Variants in WDR76 observed in about 807,000 individuals in gnomAD.
The protein encoded by WDR76 is WD repeat-containing protein 76.
In WDR76, 52 loss-of-function variants were observed where a neutral mutation model predicts 70.2. The observed-to-expected ratio is 0.74, with a 90% CI of 0.59 to 0.93. The LOEUF is 0.93. Among genes scored for constraint, WDR76 ranks in the 40% least tolerant of loss-of-function variants. The probability of loss-of-function intolerance (pLI) is 0.00; values close to 1 mark genes in which losing one functional copy is unlikely to be tolerated. For missense variants in WDR76, 756 were observed against 760.2 expected (o/e 0.99, Z 0.07); for synonymous variants, 292 against 271.1 (o/e 1.08, Z -0.76).
chr15:43,857,751 G>A (rs1314971471), intron 10 of WDR76, among the ~76,000 whole-genome samples: 5 of 150,292 alleles, frequency 3.3e-5, no homozygotes, highest in Non-Finnish European at 7.4e-5. Context: ...CACAGGAGGC[G>A]GAAGTTGCAG....
chr15:43,832,271 T>A (rs2087598582), intron 2 of WDR76, among the ~76,000 whole-genome samples: 1 of 152,086 alleles, frequency 6.6e-6, no homozygotes, highest in Non-Finnish European at 1.5e-5. Flanking sequence ...AAGGCAGGCC[T>A]GTAGTTTCAG....
intron 9 of WDR76, 89 bp downstream of exon 9, chr15:43,851,334 G>C: frequency 6.6e-7 from 1 of 1,522,576 alleles, no homozygotes. Context: ...CCAATTGGGA[G>C]AAGTGGTATA....
Position 43,866,313 on chromosome 15 carries a change from T to C in WDR76, c.1802T>C (p.Met601Thr), listed in dbSNP as rs2140316263. The change falls in exon 13 of 13, where the codon ATG becomes ACG. Residue 601 changes from methionine (M) to threonine (T), a missense_variant. Met to Thr is a moderately conservative substitution (Grantham distance 81, BLOSUM62 -1). Coordinates refer to ENST00000263795, the MANE Select transcript of WDR76 (RefSeq NM_024908.4). ...YLVSVCSINA[M>T]HPTRYILAGG... ...GTCTCTGTGTGTTCCATCAATGCCA[T>C]GCACCCAACTCGGTATATTTTGGCT... is the stretch of plus-strand genomic sequence containing the variant. The C allele has an allele frequency of 1.9e-6, 3 of 1,614,154 alleles. No homozygotes were observed. The highest frequency in any genetic ancestry group is 1.7e-6 in the Non-Finnish European group (2 of 1,180,032).
At chr15:43,847,888 T>G (rs2087808550) in intron 8 of WDR76, among the ~76,000 whole-genome samples, 1 of 152,106 alleles carries the variant, frequency 6.6e-6, no homozygotes, top group Non-Finnish European at 1.5e-5. Context: ...ACTTAGTTGT[T>G]TAATTATCAT....
At chr15:43,857,470 A>T in intron 10 of WDR76, 1 of 985,360 alleles carries the variant, frequency 1.0e-6, no homozygotes, top group Middle Eastern at 5.2e-4. Flanking sequence ...GTTACATGTG[A>T]CCTATAACTT....
intron 12 of WDR76, among the ~76,000 whole-genome samples, chr15:43,861,959 C>T (rs1034343768): frequency 6.6e-6 from 1 of 151,330 alleles, no homozygotes; most frequent in African/African-American, 2.4e-5. Flanking sequence ...GCCTCAGCCT[C>T]CTGAGTAGCT....
intron 12 of WDR76, among the ~76,000 whole-genome samples, chr15:43,863,422 A>G (rs2088029138): frequency 6.6e-6 from 1 of 152,148 alleles, no homozygotes. Flanking sequence ...ATATATTGTT[A>G]TTGACTATAG....
chr15:43,857,792 C>G (rs1214826671), intron 10 of WDR76, among the ~76,000 whole-genome samples: 1 of 135,502 alleles, frequency 7.4e-6, no homozygotes, highest in Non-Finnish European at 1.5e-5. Flanking sequence ...GCATTCCAGC[C>G]TGGATGACAG....
chr15:43,860,130 A>C (rs1290973756), intron 11 of WDR76, among the ~76,000 whole-genome samples: 4 of 152,222 alleles, frequency 2.6e-5, no homozygotes, highest in Non-Finnish European at 5.9e-5. Context: ...TTGTAGTCCC[A>C]GCTACTTGGG....
intron 8 of WDR76, among the ~76,000 whole-genome samples, chr15:43,847,319 G>A (rs1263968682): frequency 6.6e-6 from 1 of 151,586 alleles, no homozygotes; most frequent in African/African-American, 2.4e-5. Flanking sequence ...GGAGTGCTGT[G>A]GTGTGATCCT....
At position 43,851,048 on chromosome 15, in the gene WDR76, G is replaced by T. The variant is rs201286428; in HGVS notation, c.1033-39G>T. On this transcript the variant is annotated intron_variant, in intron 8 of 12. Coordinates refer to ENST00000263795, the MANE Select transcript of WDR76 (RefSeq NM_024908.4). ...TAGCAAAAATCACTATTTTTCACTA[G>T]TTTTTTTCTCTCTCCCCTTTCCCGC... 60 of 1,605,688 alleles carry T rather than the reference G, an allele frequency of 3.7e-5. No individual in the cohort carries two copies. The East Asian group carries it at 1.3e-3, about 36-fold the overall frequency.
intron 10 of WDR76, 90 bp downstream of exon 10, chr15:43,857,253 A>G (rs924532165): frequency 3.9e-6 from 5 of 1,294,008 alleles, no homozygotes; most frequent in South Asian, 1.6e-5. Flanking sequence ...GTAATACAAT[A>G]TTACAAAAGG....
chr15:43,836,057 C>A (rs1596068933), intron 3 of WDR76, 104 bp from the exon 4 acceptor site: 1 of 1,007,668 alleles, frequency 9.9e-7, no homozygotes, highest in East Asian at 2.8e-5. Context: ...TCTTTAGTTC[C>A]TGAATAGACC....
chr15:43,829,356 CT>C (rs2141719956), intron 2 of WDR76, among the ~76,000 whole-genome samples: 1 of 152,168 alleles, frequency 6.6e-6, no homozygotes. Flanking sequence ...AAGGGAGATA[CT>C]ATAATTGAAG....
At chr15:43,845,653 T>C (rs1454258180) in intron 8 of WDR76, among the ~76,000 whole-genome samples, 3 of 150,576 alleles carry the variant, frequency 2.0e-5, no homozygotes, top group Admixed American at 2.0e-4. Context: ...TATCAAAATA[T>C]CTTCCCAGGG....
In WDR76 at chr15:43,858,757, C is replaced by T; in HGVS notation, c.1496C>T (p.Ala499Val). The change falls in exon 11 of 13, where the codon GCT (alanine) becomes GTT (valine). Residue 499 changes from alanine (A) to valine (V), a missense_variant. Ala to Val is a moderately conservative substitution (Grantham distance 64). Coordinates refer to ENST00000263795, the MANE Select transcript of WDR76 (RefSeq NM_024908.4). ...ISLTEHTKSIASAYFSPLTGN... is the reference protein window; with the variant it reads ...ISLTEHTKSIVSAYFSPLTGN... ...TTGACTGAACATACAAAGAGCATTG[C>T]TTCCGCCTATTTTTCACCTCTTACT... is the stretch of plus-strand genomic sequence containing the variant. The T allele has an allele frequency of 6.2e-7, 1 of 1,614,214 alleles. No homozygotes were observed. Among genetic ancestry groups the T allele is most frequent in the Non-Finnish European group, 8.5e-7 (1 of 1,180,032 alleles).
At position 43,858,828 on chromosome 15, in the gene WDR76, A is replaced by T. The variant is rs994498608; in HGVS notation, c.1562+5A>T. ...ATGTGCTGATTGTAATCTGAGGTAAATTGGGAAGGCAGAAATGTTTTTAGG... is the reference window on the plus strand; with the variant it reads ...ATGTGCTGATTGTAATCTGAGGTAATTTGGGAAGGCAGAAATGTTTTTAGG... On this transcript the variant is annotated splice_donor_5th_base_variant and intron_variant, in intron 11 of 12. Coordinates refer to ENST00000263795, the MANE Select transcript of WDR76 (RefSeq NM_024908.4). The T allele has an allele frequency of 1.2e-6, 2 of 1,611,606 alleles. No individual in the cohort carries two copies. Among genetic ancestry groups the T allele is most frequent in the Non-Finnish European group, 1.7e-6 (2 of 1,179,390 alleles).
chr15:43,846,144 A>G (rs2087785700), intron 8 of WDR76, among the ~76,000 whole-genome samples: 1 of 150,022 alleles, frequency 6.7e-6, no homozygotes, highest in Admixed American at 6.6e-5. Context: ...AGAAAAGGCC[A>G]TTGATTTTGA....
intron 1 of WDR76, among the ~76,000 whole-genome samples, chr15:43,827,420 A>G (rs900566622): frequency 6.6e-6 from 1 of 152,200 alleles, no homozygotes; most frequent in African/African-American, 2.4e-5. Context: ...CATTATTATT[A>G]TTGGTCTGGA....
Sources: gnomAD v4.1 joint callset for allele counts (sites outside exome capture counted in the v4.1 genomes callset) on GRCh38, gnomAD v4.1.1 for gene constraint, MANE v1.5 for transcripts, NCBI Gene and HGNC (gene_info 2026-07-23, HGNC 2026-07-21) for gene names.